LRRC72: variants seen among roughly 807,000 people sequenced by gnomAD.
LRRC72 encodes leucine rich repeat containing 72, also known as leucine-rich repeat-containing protein 72.
In LRRC72, 41 loss-of-function variants were observed where a neutral mutation model predicts 35.8. The ratio of observed to expected loss-of-function variants is 1.15; its 90% CI spans 0.89 to 1.49. The LOEUF is 1.49. Ranked by LOEUF, LRRC72 falls within the 40% of genes most tolerant of loss-of-function variation. The pLI is 0.00. For synonymous variants in LRRC72, 118 were observed against 119.2 expected (o/e 0.99, Z 0.07); for missense variants, 389 against 330.7 (o/e 1.18, Z -1.37).
intron 7 of LRRC72, among the ~76,000 whole-genome samples, chr7:16,570,008 C>A (rs1373362537): frequency 1.3e-5 from 2 of 149,598 alleles, no homozygotes; most frequent in Admixed American, 6.7e-5. Context: ...CCAGCCTGGG[C>A]AACAGAGGGA....
In LRRC72 at chr7:16,540,617, T is replaced by C. The variant is rs1298888731; in HGVS notation, c.234+2921T>C. Among the ~76,000 whole-genome samples the C allele has an allele frequency of 2.6e-5, 4 of 152,212 alleles. No homozygotes were observed. The East Asian group carries it at 5.8e-4, about 22-fold the overall frequency. On this transcript the variant is annotated intron_variant, in intron 3 of 8. Transcript: ENST00000401542. ...ACCTGAGTCTCATCTGAAATCGTAA[T>C]CCCCACGTGTCAGGGGAGGAACCTG...
At chr7:16,534,659 T>A (rs1288971999) in intron 2 of LRRC72, among the ~76,000 whole-genome samples, 1 of 151,774 alleles carries the variant, frequency 6.6e-6, no homozygotes, top group Non-Finnish European at 1.5e-5. Flanking sequence ...TAAAATAAAA[T>A]AATAAAATAA....
intron 7 of LRRC72, among the ~76,000 whole-genome samples, chr7:16,573,457 T>A (rs898984480): frequency 6.6e-6 from 1 of 152,120 alleles, no homozygotes; most frequent in Non-Finnish European, 1.5e-5. Flanking sequence ...AAAACAGATA[T>A]ATAGACCAAT....
At chr7:16,565,814 C>T (rs577264685) in intron 5 of LRRC72, among the ~76,000 whole-genome samples, 64 of 152,316 alleles carry the variant, frequency 4.2e-4, no homozygotes, top group African/African-American at 1.5e-3. Flanking sequence ...ACTATTGACA[C>T]ATTCTGAACT....
intron 7 of LRRC72, among the ~76,000 whole-genome samples, chr7:16,569,935 C>T (rs1357285401): frequency 6.6e-6 from 1 of 151,680 alleles, no homozygotes; most frequent in Non-Finnish European, 1.5e-5. Flanking sequence ...GAGGCTGAGG[C>T]AGGAGAATCG....
Position 16,526,959 on chromosome 7 carries a change from T to G in LRRC72, c.7T>G (p.Trp3Gly), listed in dbSNP as rs919671509. The G allele has an allele frequency of 5.8e-6, 9 of 1,539,768 alleles. No individual in the cohort carries two copies. The highest frequency in any genetic ancestry group is 7.0e-6 in the Non-Finnish European group (8 of 1,146,904). Residue 3 changes from tryptophan (W) to glycine (G), a missense_variant, in exon 1 of 9, where the codon TGG becomes GGG. Trp to Gly is a radical substitution (Grantham distance 184, BLOSUM62 -2). Coordinates refer to ENST00000401542, the MANE Select transcript of LRRC72 (RefSeq NM_001195280.2). ...CGGCCGCCCATGTGTCCTGATGTCC[T>G]GGGACCCGAACCCCGTGCCCCGTAC... MSWDPNPVPRTLR... is the reference protein window; with the variant it reads MSGDPNPVPRTLR...
intron 5 of LRRC72, among the ~76,000 whole-genome samples, chr7:16,561,983 G>A (rs551362267): frequency 7.2e-5 from 11 of 152,168 alleles, no homozygotes; most frequent in Non-Finnish European, 1.3e-4. Flanking sequence ...TAAATTACAA[G>A]TTCTTCAGAG....
At chr7:16,573,035 A>T (rs1418147473) in intron 7 of LRRC72, among the ~76,000 whole-genome samples, 1 of 152,214 alleles carries the variant, frequency 6.6e-6, no homozygotes, top group Non-Finnish European at 1.5e-5. Flanking sequence ...CCAAATCATG[A>T]GTGACTCCCA....
At chr7:16,567,329 A>G (rs985888071) in intron 6 of LRRC72, 62 bp from the exon 7 acceptor site, 1 of 1,159,816 alleles carries the variant, frequency 8.6e-7, no homozygotes, top group Non-Finnish European at 1.2e-6. Context: ...GTTCAGTTCT[A>G]TTTTGAATCA....
intron 7 of LRRC72, among the ~76,000 whole-genome samples, chr7:16,568,555 T>A (rs1035505248): frequency 2.6e-5 from 4 of 152,050 alleles, no homozygotes; most frequent in African/African-American, 9.7e-5. Flanking sequence ...AAATTATAGA[T>A]AGAAATTGAG....
chr7:16,552,274 A>G (rs10257751), intron 3 of LRRC72, among the ~76,000 whole-genome samples: 2 of 152,080 alleles, frequency 1.3e-5, no homozygotes, highest in South Asian at 4.1e-4. Context: ...AATTACAGCA[A>G]CATTGATTAT....
chr7:16,580,096 A>G lies in LRRC72; in HGVS notation c.693A>G (p.Val231=). The G allele has an allele frequency of 2.4e-6, 1 of 409,312 alleles. No individual in the cohort carries two copies. Among genetic ancestry groups the G allele is most frequent in the African/African-American group, 2.2e-5 (1 of 46,066 alleles). The allele number at this position is 409,312 out of a possible 1,614,324, so 25.4% of individuals were successfully genotyped here. The change falls in exon 8 of 9, where the codon GTA becomes GTG. Residue 231 remains valine, a synonymous_variant. Transcript: ENST00000401542. The part of the protein sequence containing the change: ...VPSDFAFANN[V]DKTVLDDPED... ...TAGATTTTGCATTTGCAAATAATGT[A>G]GACAAGTAAGTAATTTTATCTATAC...
intron 1 of LRRC72, among the ~76,000 whole-genome samples, chr7:16,532,224 C>A (rs551050550): frequency 1.3e-5 from 2 of 152,154 alleles, no homozygotes; most frequent in East Asian, 1.9e-4. Context: ...AAAAAACTTG[C>A]TTTTGGTGTA....
At chr7:16,550,365 C>G (rs1782528172) in intron 3 of LRRC72, among the ~76,000 whole-genome samples, 1 of 152,154 alleles carries the variant, frequency 6.6e-6, no homozygotes, top group African/African-American at 2.4e-5. Flanking sequence ...TTCTTTCTGA[C>G]TGCTTCCAGG....
intron 2 of LRRC72, among the ~76,000 whole-genome samples, chr7:16,537,318 C>T (rs189477216): frequency 3.5e-4 from 54 of 152,218 alleles, no homozygotes; most frequent in Non-Finnish European, 6.5e-4. Context: ...TTCCTTTGTC[C>T]TCTCCCCAGT....
intron 7 of LRRC72, among the ~76,000 whole-genome samples, chr7:16,568,635 C>T (rs1562752066): frequency 6.6e-6 from 1 of 152,044 alleles, no homozygotes; most frequent in South Asian, 2.1e-4. Flanking sequence ...CTTAGACTGA[C>T]CAGACAATTA....
intron 1 of LRRC72, among the ~76,000 whole-genome samples, chr7:16,527,993 T>G (rs959063277): frequency 6.6e-6 from 1 of 152,168 alleles, no homozygotes; most frequent in Non-Finnish European, 1.5e-5. Context: ...TGTGATGGAC[T>G]CTTTTTATTC....
At chr7:16,528,615 G>A (rs7807602) in intron 1 of LRRC72, among the ~76,000 whole-genome samples, 54,061 of 151,462 alleles carry the variant, frequency 0.36, 9,805 homozygotes, top group East Asian at 0.46. Flanking sequence ...ACCCTGAGGG[G>A]GCAGGCTCAT....
intron 7 of LRRC72, among the ~76,000 whole-genome samples, chr7:16,570,917 G>T (rs1307984075): frequency 6.6e-6 from 1 of 151,316 alleles, no homozygotes; most frequent in Non-Finnish European, 1.5e-5. Flanking sequence ...TTCACAATTA[G>T]ATTTTTTATG....
Sources: gnomAD v4.1 joint callset for allele counts (sites outside exome capture counted in the v4.1 genomes callset) on GRCh38, gnomAD v4.1.1 for gene constraint, MANE v1.5 for transcripts, NCBI Gene and HGNC (gene_info 2026-07-23, HGNC 2026-07-21) for gene names.